The following GNB4 variants were observed in gnomAD, a reference collection of about 807,000 sequenced individuals.
GNB4 encodes the protein guanine nucleotide-binding protein subunit beta-4.
In GNB4, 28 loss-of-function variants were observed where a neutral mutation model predicts 45.2. The ratio of observed to expected loss-of-function variants is 0.62; its 90% CI spans 0.46 to 0.85. GNB4 has a LOEUF of 0.85. Among genes scored for constraint, GNB4 ranks in the 40% least tolerant of loss-of-function variants. GNB4 has a pLI of 0.00. For synonymous variants in GNB4, 132 were observed against 143.7 expected, an observed-to-expected ratio of 0.92 and a Z score of 0.58; for missense variants, 321 against 425.4, an observed-to-expected ratio of 0.75 and a Z score of 2.16.
intron 1 of GNB4, among the ~76,000 whole-genome samples, chr3:179,434,723 T>TA (rs879820800): frequency 1.2e-3 from 166 of 135,360 alleles, no homozygotes; most frequent in Admixed American, 1.9e-3. Flanking sequence ...TCTGTCTCAT[T>TA]AAAAAAAAAA....
chr3:179,402,270 T>G (rs1022112944), intron 9 of GNB4, among the ~76,000 whole-genome samples: 1 of 152,180 alleles, frequency 6.6e-6, no homozygotes, highest in Non-Finnish European at 1.5e-5. Flanking sequence ...AAAGTTCCAG[T>G]TGAGCCAACC....
chr3:179,477,262 A>G, the GNB4 span, among the ~76,000 whole-genome samples: 2 of 152,336 alleles, frequency 1.3e-5, no homozygotes, highest in South Asian at 2.1e-4. Flanking sequence ...AGTTCTGATT[A>G]TCTTTTAATT....
At chr3:179,478,141 C>A in the GNB4 span, among the ~76,000 whole-genome samples, 44 of 152,178 alleles carry the variant, frequency 2.9e-4, no homozygotes, top group African/African-American at 1.0e-3. Flanking sequence ...CAGAGAGGAC[C>A]AAACTCACTT....
At chr3:179,483,968 T>G in the GNB4 span, among the ~76,000 whole-genome samples, 1 of 152,232 alleles carries the variant, frequency 6.6e-6, no homozygotes, top group Non-Finnish European at 1.5e-5. Flanking sequence ...CTGTTTAGTC[T>G]CCTACAATTG....
chr3:179,464,344 C>T, the GNB4 span: 3 of 748,030 alleles, frequency 4.0e-6, no homozygotes, highest in Admixed American at 4.0e-5. Flanking sequence ...CCGGCACAGG[C>T]TATGGCTGCG....
chr3:179,471,700 ATT>A, the GNB4 span, among the ~76,000 whole-genome samples: 2 of 152,158 alleles, frequency 1.3e-5, no homozygotes. Context: ...ATTAGAAGTT[ATT>A]TTCTAGTCAC....
At chr3:179,499,140 T>G in the GNB4 span, among the ~76,000 whole-genome samples, 1 of 150,392 alleles carries the variant, frequency 6.6e-6, no homozygotes, top group Non-Finnish European at 1.5e-5. Context: ...TATAGGTGTA[T>G]ATGTGCCACA....
chr3:179,421,975 GTTCT>G (rs766701708), intron 2 of GNB4, among the ~76,000 whole-genome samples: 2 of 152,094 alleles, frequency 1.3e-5, no homozygotes, highest in Non-Finnish European at 2.9e-5. Flanking sequence ...CTTAAAAAAG[GTTCT>G]TTGACTTCAA....
intron 1 of GNB4, among the ~76,000 whole-genome samples, chr3:179,435,138 A>G (rs1715410236): frequency 6.6e-6 from 1 of 152,204 alleles, no homozygotes; most frequent in South Asian, 2.1e-4. Flanking sequence ...ATTTGAATCC[A>G]GGCATATGAC....
chr3:179,501,995 T>C, the GNB4 span, among the ~76,000 whole-genome samples: 3 of 152,096 alleles, frequency 2.0e-5, no homozygotes, highest in African/African-American at 7.2e-5. Context: ...TTCATAACCA[T>C]TTTGTCATAT....
At chr3:179,456,629 T>G in the GNB4 span, among the ~76,000 whole-genome samples, 4 of 152,102 alleles carry the variant, frequency 2.6e-5, no homozygotes, top group East Asian at 1.9e-4. Flanking sequence ...TTTGAACACA[T>G]GTACAGATTC....
At chr3:179,506,960 G>C in the GNB4 span, among the ~76,000 whole-genome samples, 1 of 152,278 alleles carries the variant, frequency 6.6e-6, no homozygotes, top group Middle Eastern at 3.4e-3. Flanking sequence ...AACTCCACCT[G>C]ATTCCCTCCT....
chr3:179,419,574 C>T, intron 3 of GNB4, 69 bp from the exon 4 acceptor site: 1 of 942,172 alleles, frequency 1.1e-6, no homozygotes, highest in Non-Finnish European at 1.7e-6. Context: ...GAACTAGAAA[C>T]AGTGAGGAGT....
At chr3:179,471,104 A>T in the GNB4 span, among the ~76,000 whole-genome samples, 1 of 151,246 alleles carries the variant, frequency 6.6e-6, no homozygotes, top group South Asian at 2.1e-4. Flanking sequence ...GAGTGAACCC[A>T]GGAGGCGGAG....
At chr3:179,456,361 T>G (rs1240785462), upstream of GNB4, among the ~76,000 whole-genome samples, 1 of 152,122 alleles carries the variant, frequency 6.6e-6, no homozygotes, top group Non-Finnish European at 1.5e-5. Context: ...GCAGCTAACT[T>G]CAGAAATATA....
the GNB4 span, among the ~76,000 whole-genome samples, chr3:179,491,909 G>A: frequency 3.8e-3 from 572 of 152,262 alleles, 5 homozygotes; most frequent in African/African-American, 0.013. Flanking sequence ...CATCAAGATA[G>A]AGAATTAGAA....
At chr3:179,514,604 A>C in the GNB4 span, among the ~76,000 whole-genome samples, 2 of 152,190 alleles carry the variant, frequency 1.3e-5, no homozygotes, top group Non-Finnish European at 2.9e-5. Flanking sequence ...ATGAGGTCAT[A>C]AGAGTGGTGC....
chr3:179,457,437 G>A, the GNB4 span, among the ~76,000 whole-genome samples: 29 of 152,158 alleles, frequency 1.9e-4, 1 homozygote, highest in Non-Finnish European at 1.5e-5. Flanking sequence ...TACTTTGTAT[G>A]ATTCAGAGGT....
At chr3:179,448,696 C>T (rs1319179311) in intron 1 of GNB4, among the ~76,000 whole-genome samples, 1 of 152,182 alleles carries the variant, frequency 6.6e-6, no homozygotes, top group Non-Finnish European at 1.5e-5. Context: ...CTACCCGGTG[C>T]CTGTAGGTAA....
Sources: gnomAD v4.1 joint callset for allele counts (sites outside exome capture counted in the v4.1 genomes callset) on GRCh38, gnomAD v4.1.1 for gene constraint, MANE v1.5 for transcripts, NCBI Gene and HGNC (gene_info 2026-07-23, HGNC 2026-07-21) for gene names.